The following VEGFD variants were observed in gnomAD, a reference collection of about 807,000 sequenced individuals.
VEGFD encodes c-fos induced growth factor (vascular endothelial growth factor D).
VEGFD carries 26 observed loss-of-function variants against 28.0 expected under a neutral mutation model. That is an observed-to-expected ratio of 0.93 (90% CI 0.68 to 1.29). VEGFD has a LOEUF of 1.29. Among genes scored for constraint, VEGFD ranks in the 50% most tolerant of loss-of-function variants. The pLI is 0.00. For missense variants in VEGFD, 294 were observed against 273.4 expected (o/e 1.08, Z -0.53); for synonymous variants, 93 against 95.5 (o/e 0.97, Z 0.15).
intron 5 of VEGFD, 29 bp downstream of exon 5, chrX:15,353,039 T>C (rs762373156): frequency 1.1e-6 from 1 of 900,299 alleles, no homozygotes; most frequent in Non-Finnish European, 1.6e-6. Context: ...TTATTATTAC[T>C]GTTATTATTT....
intron 3 of VEGFD, among the ~76,000 whole-genome samples, chrX:15,357,494 C>T (rs1318301029): frequency 1.8e-5 from 2 of 111,705 alleles, no homozygotes; most frequent in Non-Finnish European, 3.8e-5. Flanking sequence ...CCCTTGTCTC[C>T]TCAGTCGAAG....
chrX:15,358,155 T>G lies in VEGFD; in HGVS notation c.340A>C (p.Arg114=). Residue 114 remains arginine (R), a synonymous_variant, in exon 3 of 7, where the codon AGA becomes CGA. Coordinates refer to ENST00000297904, the MANE Select transcript of VEGFD (RefSeq NM_004469.5). ...CTGGCCACCTCCACGCACGTTTCTC[T>G]AGGGCTGCACTGAGTTCTTTGCCAT... The part of the protein sequence containing the change: ...EEWQRTQCSP[R]ETCVEVASEL... The G allele has an allele frequency of 3.3e-6, 4 of 1,211,066 alleles. No homozygotes were observed. Among genetic ancestry groups the G allele is most frequent in the Non-Finnish European group, 4.5e-6 (4 of 895,104 alleles).
chrX:15,378,051 T>C (rs1440763369), intron 1 of VEGFD, among the ~76,000 whole-genome samples: 1 of 112,090 alleles, frequency 8.9e-6, no homozygotes, highest in East Asian at 2.8e-4. Context: ...AAAGCATAGG[T>C]AGCATTTCTA....
chrX:15,374,549 T>C (rs1400817403), intron 1 of VEGFD, among the ~76,000 whole-genome samples: 1 of 111,404 alleles, frequency 9.0e-6, no homozygotes, highest in African/African-American at 3.3e-5. Flanking sequence ...AACAGATCAG[T>C]GATTGCCAGA....
At position 15,363,238 on chromosome X, in the gene VEGFD, G is replaced by A. The variant is rs1923062355; in HGVS notation, c.172C>T (p.His58Tyr). 2 of 1,210,989 alleles carry A rather than the reference G, an allele frequency of 1.7e-6. No individual in the cohort carries two copies. Residue 58 changes from histidine to tyrosine, a missense_variant, in exon 2 of 7, where the codon CAC becomes TAC. Transcript: ENST00000297904. Reference protein sequence around the residue: ...SSLEELLRITHSEDWKLWRCR... With the variant: ...SSLEELLRITYSEDWKLWRCR... ...CTCCACAGCTTCCAGTCCTCAGAGT[G>A]AGTAATTCGAAGTAGTTCCTCCAAA...
intron 1 of VEGFD, among the ~76,000 whole-genome samples, chrX:15,372,271 C>A (rs903251874): frequency 6.3e-5 from 7 of 111,584 alleles, no homozygotes; most frequent in Non-Finnish European, 1.1e-4. Flanking sequence ...AAGACTTAGC[C>A]AGTCAGATGA....
At chrX:15,373,537 G>T (rs1923362202) in intron 1 of VEGFD, among the ~76,000 whole-genome samples, 1 of 111,930 alleles carries the variant, frequency 8.9e-6, no homozygotes, top group Non-Finnish European at 1.9e-5. Flanking sequence ...ACGGTGTGAT[G>T]AATAGAATTT....
intron 5 of VEGFD, among the ~76,000 whole-genome samples, chrX:15,351,898 G>C (rs1296801812): frequency 8.9e-6 from 1 of 112,132 alleles, no homozygotes; most frequent in Non-Finnish European, 1.9e-5. Context: ...TTACATATAT[G>C]ACTCTTATTG....
rs35997805 is a variant in VEGFD at position 15,351,027 on chromosome X, ATTTTTTTTTTTTTTT to A, written c.742+2026_742+2040del. ...CAGGCGCACATCACCATGCCCAGCTATTTTTTTTTTTTTTTTTTTTTTTTTTTTTTTTTTTTTAGT... is the reference window on the plus strand; with the variant it reads ...CAGGCGCACATCACCATGCCCAGCTATTTTTTTTTTTTTTTTTTTTTTAGT... On this transcript the variant is annotated intron_variant, in intron 5 of 6. Coordinates refer to ENST00000297904, the MANE Select transcript of VEGFD (RefSeq NM_004469.5). 3.0e-3 allele frequency among the ~76,000 whole-genome samples: 44 copies of A among 14,756 alleles called. 1 individual carries two copies. The highest frequency in any genetic ancestry group is 5.6e-3 in the South Asian group (1 of 177). 12.8% of individuals were successfully genotyped at this position (14,756 alleles called of 115,157 possible).
At chrX:15,363,028 A>T in intron 2 of VEGFD, 81 bp downstream of exon 2, 2 of 922,315 alleles carry the variant, frequency 2.2e-6, no homozygotes, top group Non-Finnish European at 1.6e-6. Context: ...TGTCTGCCCT[A>T]CGCAGACTTT....
chrX:15,365,659 C>A (rs1429767038), intron 1 of VEGFD, among the ~76,000 whole-genome samples: 4 of 112,032 alleles, frequency 3.6e-5, no homozygotes, highest in Non-Finnish European at 7.5e-5. Context: ...TTTTTATTCT[C>A]AATTCTTTAA....
chrX:15,345,880 A>G lies in VEGFD; in HGVS notation c.*253T>C. 3.1e-6 allele frequency: 1 copy of G among 321,715 alleles called. No homozygotes were observed. The highest frequency in any genetic ancestry group is 8.8e-4 in the Middle Eastern group (1 of 1,142). The allele number at this position is 321,715 out of a possible 1,213,427, so 26.5% of individuals were successfully genotyped here. The stretch of plus-strand genomic sequence containing the variant: ...TTCTCATTCACCAAAAAACAAAAAC[A>G]AAACTAAACAAAAGGATTACATGGG... On this transcript the variant is annotated 3_prime_UTR_variant, in exon 7 of 7. Coordinates refer to ENST00000297904, the MANE Select transcript of VEGFD (RefSeq NM_004469.5).
chrX:15,373,857 A>G (rs886672547), intron 1 of VEGFD, among the ~76,000 whole-genome samples: 1 of 111,095 alleles, frequency 9.0e-6, no homozygotes, highest in African/African-American at 3.3e-5. Flanking sequence ...AAAACCACCA[A>G]ATTTTTCCTG....
chrX:15,354,266 C>T (rs948826221), intron 4 of VEGFD, among the ~76,000 whole-genome samples: 1 of 111,090 alleles, frequency 9.0e-6, no homozygotes, highest in African/African-American at 3.3e-5. Context: ...CCACCGTGCC[C>T]GGCCCCTAAG....
At chrX:15,383,186 T>C (rs1157285934) in intron 1 of VEGFD, among the ~76,000 whole-genome samples, 1 of 112,075 alleles carries the variant, frequency 8.9e-6, no homozygotes, top group African/African-American at 3.2e-5. Context: ...ATATAATCCA[T>C]GAAATGCATA....
Position 15,355,231 on chromosome X carries a change from G to A in VEGFD, c.560C>T (p.Thr187Ile). Residue 187 changes from threonine (T) to isoleucine (I), a missense_variant, in exon 4 of 7, where the codon ACA becomes ATA. Thr to Ile is a moderately conservative substitution (Grantham distance 89). Transcript: ENST00000297904. ...ELVPVKVANH[T>I]GCKCLPTAPR... Reference sequence around the variant, plus strand: ...GGCTGTTGGCAAGCACTTACAACCTGTATGATTGGCAACTTTAACAGGCAC... The same window carrying A: ...GGCTGTTGGCAAGCACTTACAACCTATATGATTGGCAACTTTAACAGGCAC... 8.3e-7 allele frequency: 1 copy of A among 1,204,836 alleles called. No individual in the cohort carries two copies.
chrX:15,384,018 G>A lies in VEGFD; in HGVS notation c.-72C>T, dbSNP rs1401763958. 1.2e-4 allele frequency: 91 copies of A among 768,273 alleles called. 1 individual carries two copies. The East Asian group carries it at 2.9e-3, about 25-fold the overall frequency. 63.3% of individuals were successfully genotyped at this position (768,273 alleles called of 1,213,427 possible). A position where few individuals can be genotyped will look rare whatever the true frequency, so the allele number is the denominator to read the frequency against. On this transcript the variant is annotated 5_prime_UTR_variant, in exon 1 of 7. Coordinates refer to ENST00000297904, the MANE Select transcript of VEGFD (RefSeq NM_004469.5). ...CAGCTAGAGAAAATTGTTTCAAAAG[G>A]CATTCTCCAGAAGGAAAGTTTGAAA...
chrX:15,349,574 C>T (rs1232348988), intron 5 of VEGFD, among the ~76,000 whole-genome samples: 3 of 111,891 alleles, frequency 2.7e-5, no homozygotes, highest in Non-Finnish European at 1.9e-5. Context: ...TAGCTCTCTT[C>T]AAGAAGGAAG....
At chrX:15,372,344 T>C (rs541737621) in intron 1 of VEGFD, among the ~76,000 whole-genome samples, 5 of 111,786 alleles carry the variant, frequency 4.5e-5, no homozygotes, top group African/African-American at 1.6e-4. Flanking sequence ...TTATGCGTTC[T>C]CCATCTATTT....
Sources: allele counts gnomAD v4.1 joint callset (sites outside exome capture counted in the v4.1 genomes callset), GRCh38; gene constraint gnomAD v4.1.1; transcripts MANE v1.5; gene names NCBI Gene and HGNC (gene_info 2026-07-23, HGNC 2026-07-21).